TMTC4: variants seen among roughly 807,000 people sequenced by gnomAD.
TMTC4 encodes protein O-mannosyl-transferase TMTC4.
In TMTC4, 65 loss-of-function variants were observed where a neutral mutation model predicts 86.0. The ratio of observed to expected loss-of-function variants is 0.76; its 90% CI spans 0.62 to 0.93. TMTC4 has a LOEUF of 0.93. Ranked by LOEUF, TMTC4 falls within the 40% of genes least tolerant of loss-of-function variation. The pLI is 0.00. For missense variants in TMTC4, 866 were observed against 948.1 expected, an observed-to-expected ratio of 0.91 and a Z score of 1.14; for synonymous variants, 379 against 382.5, an observed-to-expected ratio of 0.99 and a Z score of 0.11.
intron 15 of TMTC4, among the ~76,000 whole-genome samples, chr13:100,620,751 T>C (rs1879342220): frequency 6.6e-6 from 1 of 152,204 alleles, no homozygotes; most frequent in Non-Finnish European, 1.5e-5. Context: ...ACAAGAGAAC[T>C]GCCTTATATT....
rs372620571 is a variant in TMTC4 at position 100,667,171 on chromosome 13, C to T, written c.219+1408G>A. Among the ~76,000 whole-genome samples, 6 of 152,160 alleles carry T rather than the reference C, an allele frequency of 3.9e-5. No homozygotes were observed. The East Asian group carries it at 1.2e-3, about 29-fold the overall frequency. ...AATATTGGCCGGGTGTGGTGGCTCA[C>T]ACCTGTAATCCAGAACTTTGGGAGG... On this transcript the variant is annotated intron_variant, in intron 3 of 18. Transcript: ENST00000342624.
chr13:100,656,350 G>A (rs918440549), intron 6 of TMTC4, 31 bp downstream of exon 6: 5 of 1,582,706 alleles, frequency 3.2e-6, no homozygotes, highest in East Asian at 2.2e-5. Flanking sequence ...TGAAGAAGGT[G>A]GAAAATTAAG....
In TMTC4 at chr13:100,645,093, T is replaced by G. The variant is rs560864030; in HGVS notation, c.641-2782A>C. On this transcript the variant is annotated intron_variant, in intron 6 of 18. Transcript: ENST00000342624. ...TCCCAAAGTGCTGGGATTACAGGCG[T>G]GAGCCACTGCACCCGGCCTGAACAT... Among the ~76,000 whole-genome samples, 4 of 152,328 alleles carry G rather than the reference T, an allele frequency of 2.6e-5. No individual in the cohort carries two copies. In the South Asian group the frequency reaches 8.3e-4, roughly 32 times the overall value.
At chr13:100,656,838 C>T (rs1770362) in intron 5 of TMTC4, among the ~76,000 whole-genome samples, 50,135 of 151,958 alleles carry the variant, frequency 0.33, 8,617 homozygotes, top group East Asian at 0.59. Flanking sequence ...GCCACCGTGC[C>T]TAGCCAAAAC....
intron 17 of TMTC4, among the ~76,000 whole-genome samples, chr13:100,609,381 C>T (rs1877186133): frequency 6.6e-6 from 1 of 151,802 alleles, no homozygotes; most frequent in South Asian, 2.1e-4. Flanking sequence ...AAGGTAATAC[C>T]TAGATGTGGC....
intron 5 of TMTC4, among the ~76,000 whole-genome samples, chr13:100,661,294 C>T (rs557320492): frequency 8.5e-5 from 13 of 152,220 alleles, no homozygotes; most frequent in East Asian, 5.8e-4. Flanking sequence ...AGAATGTGTG[C>T]GTGTGAGTGT....
chr13:100,660,082 GCACTTTGGGAGGCTGAGGCAGGTGGAT>G (rs1885578975), intron 5 of TMTC4, among the ~76,000 whole-genome samples: 1 of 151,730 alleles, frequency 6.6e-6, no homozygotes, highest in East Asian at 1.9e-4. Context: ...TGTAATCCCA[GCACTTTGGGAGGCTGAGGCAGGTGGAT>G]CACTTGGGGC....
At chr13:100,667,788 G>A (rs1419777077) in intron 3 of TMTC4, among the ~76,000 whole-genome samples, 2 of 152,124 alleles carry the variant, frequency 1.3e-5, no homozygotes, top group Non-Finnish European at 2.9e-5. Context: ...ATTGTTGAGA[G>A]GCTCTAACTT....
rs777456036 is a variant in TMTC4 at position 100,663,000 on chromosome 13, C to T, written c.516G>A (p.Ala172=). The change falls in exon 5 of 19, where the codon GCG becomes GCA. Residue 172 remains alanine (A), a synonymous_variant. Transcript: ENST00000342624. ...HLAPRASLLA[A]LLFAVHPVHT... The stretch of plus-strand genomic sequence containing the variant: ...GCACAGGATGGACAGCAAACAGCAG[C>T]GCGGCCAGCAGGGACGCCCTGGGGG... 60 of 1,613,914 alleles carry T rather than the reference C, an allele frequency of 3.7e-5. No homozygotes were observed. Among genetic ancestry groups the T allele is most frequent in the Non-Finnish European group, 3.9e-5 (46 of 1,180,016 alleles).
chr13:100,664,108 T>C, intron 4 of TMTC4, 113 bp downstream of exon 4: 2 of 878,380 alleles, frequency 2.3e-6, no homozygotes, highest in Non-Finnish European at 3.4e-6. Context: ...AGACCCCACC[T>C]GGAGCCACTG....
chr13:100,617,988 G>A (rs1433174007), intron 15 of TMTC4, among the ~76,000 whole-genome samples: 2 of 152,062 alleles, frequency 1.3e-5, no homozygotes, highest in African/African-American at 2.4e-5. Context: ...TTTTCCACTC[G>A]TTTGTGTCAC....
At position 100,605,248 on chromosome 13, in the gene TMTC4, CAA is replaced by C; in HGVS notation, c.2135-108_2135-107del. 7.6e-7 allele frequency: 1 copy of C among 1,307,230 alleles called. No individual in the cohort carries two copies. The highest frequency in any genetic ancestry group is 1.0e-6 in the Non-Finnish European group (1 of 956,456). 81.0% of individuals were successfully genotyped at this position (1,307,230 alleles called of 1,614,324 possible). ...TTACAGATCCTATGCAAACAGTTTT[CAA>C]AAGTCAATTGTATGAAACAATATTG... On this transcript the variant is annotated intron_variant, in intron 18 of 18. Coordinates refer to ENST00000342624, the MANE Select transcript of TMTC4 (RefSeq NM_032813.5). This position sits in a 1 kb window ranked among gnomAD's most constrained non-coding sequence, Gnocchi z 4.3.
At chr13:100,612,820 A>T (rs960857754) in intron 16 of TMTC4, among the ~76,000 whole-genome samples, 1 of 152,240 alleles carries the variant, frequency 6.6e-6, no homozygotes, top group African/African-American at 2.4e-5. Context: ...TACCAGTTAT[A>T]CCCAAACAAA....
At chr13:100,623,297 A>G (rs911127017) in intron 15 of TMTC4, among the ~76,000 whole-genome samples, 1 of 152,198 alleles carries the variant, frequency 6.6e-6, no homozygotes, top group Non-Finnish European at 1.5e-5. Flanking sequence ...CAGTGCCGCA[A>G]TCTTGGCTCA....
chr13:100,653,806 C>T lies in TMTC4; in HGVS notation c.640+2575G>A, dbSNP rs114417343. ...AACTGTGATGATCCATAACTCAAAG[C>T]CTGCCAGGGCAGGTGGACACCATGA... On this transcript the variant is annotated intron_variant, in intron 6 of 18. Transcript: ENST00000342624. Among the ~76,000 whole-genome samples, 659 of 152,302 alleles carry T rather than the reference C, an allele frequency of 4.3e-3. 10 individuals carry two copies. Among genetic ancestry groups the T allele is most frequent in the African/African-American group, 0.015 (627 of 41,560 alleles).
At chr13:100,611,589 A>T (rs1464241448) in intron 17 of TMTC4, among the ~76,000 whole-genome samples, 1 of 152,222 alleles carries the variant, frequency 6.6e-6, no homozygotes, top group Non-Finnish European at 1.5e-5. Context: ...CGTCTCAAAA[A>T]AAACAAAAAA....
At chr13:100,640,259 A>T (rs1022190781) in intron 7 of TMTC4, among the ~76,000 whole-genome samples, 1 of 152,072 alleles carries the variant, frequency 6.6e-6, no homozygotes, top group Admixed American at 6.5e-5. Context: ...GTAGGTGGAG[A>T]CCAGGGACGC....
In TMTC4 at chr13:100,605,718, G is replaced by A. The variant is rs1437199966; in HGVS notation, c.2135-576C>T. Among the ~76,000 whole-genome samples, 1 of 152,094 alleles carries A rather than the reference G, an allele frequency of 6.6e-6. No homozygotes were observed. Among genetic ancestry groups the A allele is most frequent in the African/African-American group, 2.4e-5 (1 of 41,416 alleles). ...TGTTAGTAAAATTAACTTTCTATAT[G>A]GGCAGAAGAGCATCTGTGGACGCTT... On this transcript the variant is annotated intron_variant, in intron 18 of 18. Transcript: ENST00000342624. The surrounding 1 kb of genome is among the most constrained non-coding windows in gnomAD (Gnocchi z 4.3).
rs763602007 is a variant in TMTC4, at chr13:100,626,162, GAAT to G, written c.1507-15_1507-13del. On this transcript the variant is annotated splice_polypyrimidine_tract_variant and intron_variant, in intron 12 of 18. Transcript: ENST00000342624. ...ATGTTGTAGTGAACCTGCAGACAGA[GAAT>G]AATTGGGCCATCAGCAGACAGACTT... 3 of 1,613,838 alleles carry G rather than the reference GAAT, an allele frequency of 1.9e-6. No homozygotes were observed. Among genetic ancestry groups the G allele is most frequent in the Non-Finnish European group, 2.5e-6 (3 of 1,179,774 alleles).
Sources: gnomAD v4.1 joint callset for allele counts (sites outside exome capture counted in the v4.1 genomes callset) on GRCh38, gnomAD v4.1.1 for gene constraint, Gnocchi (gnomAD v3.1) non-coding constraint, MANE v1.5 for transcripts, NCBI Gene and HGNC (gene_info 2026-07-23, HGNC 2026-07-21) for gene names.